The following FMN2 variants were observed in gnomAD, a reference collection of about 807,000 sequenced individuals.
The protein encoded by FMN2 is formin-2.
A neutral mutation model predicts 142.3 loss-of-function variants in FMN2; 51 were observed. The observed-to-expected ratio is 0.36, with a 90% confidence interval of 0.29 to 0.45. The LOEUF is 0.45. Ranked by LOEUF, FMN2 falls within the 20% of genes least tolerant of loss-of-function variation. The pLI, the probability that FMN2 is intolerant of heterozygous loss-of-function variation, is 1.00. For missense variants in FMN2, 1,936 were observed against 2,122.8 expected, an observed-to-expected ratio of 0.91 and a Z score of 1.73; for synonymous variants, 882 against 869.8, an observed-to-expected ratio of 1.01 and a Z score of -0.25.
At chr1:240,383,017 A>G (rs1217393361) in intron 14 of FMN2, among the ~76,000 whole-genome samples, 2 of 152,190 alleles carry the variant, frequency 1.3e-5, no homozygotes, top group Non-Finnish European at 2.9e-5. Flanking sequence ...TGAGTAAAGG[A>G]CACTGTATTC....
At chr1:240,359,003 T>C (rs1264066123) in intron 14 of FMN2, among the ~76,000 whole-genome samples, 1 of 152,010 alleles carries the variant, frequency 6.6e-6, no homozygotes, top group Non-Finnish European at 1.5e-5. Flanking sequence ...TGCACACCTG[T>C]AATCCCAGCT....
intron 16 of FMN2, among the ~76,000 whole-genome samples, chr1:240,451,773 G>C (rs1202380004): frequency 1.3e-5 from 2 of 152,072 alleles, no homozygotes; most frequent in Non-Finnish European, 2.9e-5. Context: ...AGGAAGTGTA[G>C]TGTTGGGTTT....
At chr1:240,322,621 T>C (rs1339362916) in intron 8 of FMN2, among the ~76,000 whole-genome samples, 2 of 152,164 alleles carry the variant, frequency 1.3e-5, no homozygotes, top group Middle Eastern at 3.2e-3. Context: ...GGAAAAGTAG[T>C]TGGAAGAGGG....
intron 15 of FMN2, among the ~76,000 whole-genome samples, chr1:240,407,482 G>A (rs1188724906): frequency 6.6e-6 from 1 of 152,162 alleles, no homozygotes; most frequent in Admixed American, 6.5e-5. Context: ...GGTTGGAGAA[G>A]GGAAATGACT....
At position 240,148,173 on chromosome 1, in the gene FMN2, C is replaced by T. The variant is rs150163867; in HGVS notation, c.1782+24828C>T. Among the ~76,000 whole-genome samples the T allele has an allele frequency of 2.5e-3, 386 of 151,866 alleles. 3 individuals carry two copies. The highest frequency in any genetic ancestry group is 8.6e-3 in the African/African-American group (355 of 41,380). On this transcript the variant is annotated intron_variant, in intron 2 of 17. Transcript: ENST00000319653. ...CAGCCAAGAGAGACGGAGAGACACA[C>T]GGAGAGAGACAGAGACAGGGACAGA...
chr1:240,202,978 C>A (rs144483762), intron 4 of FMN2, among the ~76,000 whole-genome samples: 2,502 of 152,124 alleles, frequency 0.016, 82 homozygotes, highest in African/African-American at 0.058. Flanking sequence ...AAAAAGAAAA[C>A]CCTAGTTATG....
chr1:240,182,379 A>C (rs1665189153), intron 3 of FMN2, among the ~76,000 whole-genome samples: 1 of 152,226 alleles, frequency 6.6e-6, no homozygotes, highest in Non-Finnish European at 1.5e-5. Context: ...TTAGAAAGGC[A>C]ATCAAGGCAC....
Position 240,334,121 on chromosome 1 carries a change from G to A in FMN2, c.4657G>A (p.Glu1553Lys). The A allele has an allele frequency of 6.3e-7, 1 of 1,598,718 alleles. No homozygotes were observed. The highest frequency in any genetic ancestry group is 8.5e-7 in the Non-Finnish European group (1 of 1,176,184). Residue 1553 changes from glutamate (E) to lysine (K), a missense_variant, in exon 13 of 18, where the codon GAA becomes AAA. Coordinates refer to ENST00000319653, the MANE Select transcript of FMN2 (RefSeq NM_020066.5). ...TTTTGTTCATTAGGATGCTGGAAAA[G>A]AACAGTGCCTCTTTCCACTGCCAGA... is the stretch of plus-strand genomic sequence containing the variant. ...LRNFDEDAGK[E>K]QCLFPLPEPQ...
At chr1:240,291,185 C>T (rs1669773654) in intron 7 of FMN2, among the ~76,000 whole-genome samples, 1 of 152,034 alleles carries the variant, frequency 6.6e-6, no homozygotes, top group South Asian at 2.1e-4. Context: ...TTGTTTTAAT[C>T]CTGGAAATGT....
At chr1:240,247,416 C>G (rs767695616) in intron 6 of FMN2, among the ~76,000 whole-genome samples, 3 of 151,518 alleles carry the variant, frequency 2.0e-5, no homozygotes, top group African/African-American at 7.3e-5. Context: ...GCAGGAGAAT[C>G]GCTTGAACCT....
At chr1:240,391,541 T>C (rs530827375) in intron 14 of FMN2, among the ~76,000 whole-genome samples, 1 of 152,332 alleles carries the variant, frequency 6.6e-6, no homozygotes, top group East Asian at 1.9e-4. Flanking sequence ...AACTTCTTCT[T>C]TAACTAGTCC....
Position 240,142,219 on chromosome 1 carries a change from C to T in FMN2, c.1782+18874C>T, listed in dbSNP as rs1398248210. Among the ~76,000 whole-genome samples, 3 of 152,032 alleles carry T rather than the reference C, an allele frequency of 2.0e-5. No homozygotes were observed. The East Asian group carries it at 5.8e-4, about 30-fold the overall frequency. On this transcript the variant is annotated intron_variant, in intron 2 of 17. Transcript: ENST00000319653. Reference sequence around the variant, plus strand: ...TGAGCTTCTCATGGTCCCAGTTAGGCTATATTGAGGCTCCTGCTGACCCAG... The same window carrying T: ...TGAGCTTCTCATGGTCCCAGTTAGGTTATATTGAGGCTCCTGCTGACCCAG...
At chr1:240,462,747 T>A (rs1676486208) in intron 16 of FMN2, among the ~76,000 whole-genome samples, 1 of 152,196 alleles carries the variant, frequency 6.6e-6, no homozygotes, top group Non-Finnish European at 1.5e-5. Context: ...ATCTTACTAT[T>A]TAGCACAGTA....
At chr1:240,410,332 T>C (rs1203500137) in intron 15 of FMN2, among the ~76,000 whole-genome samples, 1 of 152,228 alleles carries the variant, frequency 6.6e-6, no homozygotes, top group African/African-American at 2.4e-5. Flanking sequence ...TTGAAATTCC[T>C]CTCTGAGTGG....
Position 240,092,035 on chromosome 1 carries a change from C to T in FMN2, c.-75C>T, listed in dbSNP as rs1488205476. The T allele has an allele frequency of 2.0e-6, 3 of 1,483,354 alleles. No homozygotes were observed. The highest frequency in any genetic ancestry group is 2.5e-5 in the East Asian group (1 of 40,334). 91.9% of individuals were successfully genotyped at this position (1,483,354 alleles called of 1,614,324 possible). ...TGACTCTCCCGGGAGACTCCCTAGG[C>T]CCGGACCTGGGGCCGAGGAGGGCCG... On this transcript the variant is annotated 5_prime_UTR_variant, in exon 1 of 18. Coordinates refer to ENST00000319653, the MANE Select transcript of FMN2 (RefSeq NM_020066.5).
rs746407998 is a variant in FMN2, at chr1:240,207,304, A to G, written c.2492A>G (p.His831Arg). Reference protein sequence around the residue: ...GQGQPGSQPPHSISTEFQTSH... With the variant: ...GQGQPGSQPPRSISTEFQTSH... The stretch of plus-strand genomic sequence containing the variant: ...GGACAGCCTGGGTCACAGCCGCCCC[A>G]TTCTATTTCTACCGAGTTTCAAACC... Residue 831 changes from histidine (H) to arginine (R), a missense_variant, in exon 5 of 18, where the codon CAT becomes CGT. By Grantham distance (29) the His-to-Arg change is conservative. Transcript: ENST00000319653. 4 of 1,613,754 alleles carry G rather than the reference A, an allele frequency of 2.5e-6. No homozygotes were observed. The Admixed American group carries it at 5.0e-5, about 20-fold the overall frequency.
chr1:240,412,292 G>A (rs1361097497), intron 15 of FMN2, among the ~76,000 whole-genome samples: 1 of 152,158 alleles, frequency 6.6e-6, no homozygotes, highest in Non-Finnish European at 1.5e-5. Context: ...TGTTTTATTT[G>A]AATTTTGACG....
At chr1:240,118,255 A>G (rs1662101769) in intron 1 of FMN2, among the ~76,000 whole-genome samples, 1 of 152,122 alleles carries the variant, frequency 6.6e-6, no homozygotes, top group South Asian at 2.1e-4. Flanking sequence ...GAAGAATGCA[A>G]GTTTATTAGA....
At chr1:240,250,575 T>C (rs1668242241) in intron 6 of FMN2, among the ~76,000 whole-genome samples, 1 of 152,140 alleles carries the variant, frequency 6.6e-6, no homozygotes, top group South Asian at 2.1e-4. Flanking sequence ...CTGGTTTTGG[T>C]ATCAGGGTAA....
Sources: gnomAD v4.1 joint callset for allele counts (sites outside exome capture counted in the v4.1 genomes callset) on GRCh38, gnomAD v4.1.1 for gene constraint, MANE v1.5 for transcripts, NCBI Gene and HGNC (gene_info 2026-07-23, HGNC 2026-07-21) for gene names.